Variants in GDAP1 observed in about 807,000 individuals in gnomAD.
GDAP1 encodes the protein ganglioside-induced differentiation-associated protein 1.
Under a neutral mutation model 40.1 loss-of-function variants are expected in GDAP1, and 34 were observed. The ratio of observed to expected loss-of-function variants is 0.85; its 90% CI spans 0.64 to 1.13. The LOEUF is 1.13. GDAP1 is among the 50% of genes most tolerant of loss of function. GDAP1 has a pLI of 0.00. For missense variants in GDAP1, 374 were observed against 433.7 expected (o/e 0.86, Z 1.22); for synonymous variants, 170 against 157.4 (o/e 1.08, Z -0.60).
chr8:74,380,208 A>G (rs999795657), intron 2 of GDAP1, among the ~76,000 whole-genome samples: 1 of 152,204 alleles, frequency 6.6e-6, no homozygotes, highest in African/African-American at 2.4e-5. Context: ...ATCAGAAACA[A>G]AAGCCCACAA....
intron 2 of GDAP1, among the ~76,000 whole-genome samples, chr8:74,472,151 C>T (rs1806565616): frequency 6.6e-6 from 1 of 152,140 alleles, no homozygotes; most frequent in Non-Finnish European, 1.5e-5. Context: ...CATGTGTTCT[C>T]ATCATTTAGC....
downstream of GDAP1, among the ~76,000 whole-genome samples, chr8:74,370,357 G>A (rs1809727288): frequency 6.6e-6 from 1 of 152,190 alleles, no homozygotes; most frequent in African/African-American, 2.4e-5. Flanking sequence ...AAGCTATTAG[G>A]TTAGTGATAT....
downstream of GDAP1, among the ~76,000 whole-genome samples, chr8:74,369,638 T>TGC (rs1248857705): frequency 0.098 from 2,287 of 23,240 alleles, 55 homozygotes; most frequent in African/African-American, 0.19. Flanking sequence ...TGTGTGTGCA[T>TGC]ATATATATAT....
chr8:74,484,604 T>C (rs966797868), intron 2 of GDAP1, among the ~76,000 whole-genome samples: 1 of 152,140 alleles, frequency 6.6e-6, no homozygotes, highest in African/African-American at 2.4e-5. Context: ...AATATGCTTT[T>C]CCCATTTCAG....
chr8:74,357,727 C>G (rs543268381), intron 2 of GDAP1, among the ~76,000 whole-genome samples: 1 of 152,194 alleles, frequency 6.6e-6, no homozygotes, highest in Non-Finnish European at 1.5e-5. Context: ...ATGCTGGGAC[C>G]TCCTCTCATT....
In GDAP1 at chr8:74,350,527, G is replaced by A. The variant is rs760748724; in HGVS notation, c.66G>A (p.Ala22=). The change falls in exon 1 of 6, where the codon GCG becomes GCA. Residue 22 remains alanine (A), a synonymous_variant. Transcript: ENST00000220822. ...TGAGGGCGGAAGGCAAGGCCGACGC[G>A]GAGGTTAAGCTCATTCTGTACCATT... ...PPLRAEGKAD[A]EVKLILYHWT... The A allele has an allele frequency of 1.2e-6, 2 of 1,613,400 alleles. No homozygotes were observed. Among genetic ancestry groups the A allele is most frequent in the Admixed American group, 1.7e-5 (1 of 60,012 alleles).
At chr8:74,362,773 T>G (rs893212002) in intron 4 of GDAP1, among the ~76,000 whole-genome samples, 166 bp from the exon 5 acceptor site, 13 of 48,410 alleles carry the variant, frequency 2.7e-4, no homozygotes, top group Non-Finnish European at 5.9e-4. Flanking sequence ...TCAACTTAGC[T>G]CTCTCTCTCT....
At chr8:74,399,915 C>G (rs373962155) in intron 2 of GDAP1, among the ~76,000 whole-genome samples, 9 of 144,370 alleles carry the variant, frequency 6.2e-5, no homozygotes, top group African/African-American at 2.0e-4. Flanking sequence ...GTCTGAGAGA[C>G]AGTTTGTTAT....
In GDAP1 at chr8:74,445,654, C is replaced by A. The variant is rs935056448; in HGVS notation, c.166-43024C>A. Reference sequence around the variant, plus strand: ...TGGTACACACATGCTGATTTGTATACCACTTAAAAAAAGACTAGAAAAACT... The same window carrying A: ...TGGTACACACATGCTGATTTGTATAACACTTAAAAAAAGACTAGAAAAACT... On this transcript the variant is annotated intron_variant, in intron 2 of 2. Transcript: ENST00000523640. Among the ~76,000 whole-genome samples the A allele has an allele frequency of 1.5e-4, 23 of 151,936 alleles. 1 individual carries two copies. The highest frequency in any genetic ancestry group is 5.9e-5 in the Non-Finnish European group (4 of 67,972).
chr8:74,425,246 T>C (rs56239924), intron 2 of GDAP1, among the ~76,000 whole-genome samples: 83,301 of 152,128 alleles, frequency 0.55, 23,977 homozygotes, highest in Non-Finnish European at 0.63. Context: ...AATGGTGCTG[T>C]TGATGAGTAC....
downstream of GDAP1, among the ~76,000 whole-genome samples, chr8:74,369,394 G>A (rs1343295416): frequency 2.6e-5 from 4 of 152,122 alleles, no homozygotes; most frequent in Non-Finnish European, 5.9e-5. Flanking sequence ...TGATTGAATT[G>A]ACAGAAAATC....
intron 2 of GDAP1, among the ~76,000 whole-genome samples, chr8:74,411,565 A>G (rs1196398133): frequency 1.3e-5 from 2 of 148,714 alleles, no homozygotes; most frequent in Non-Finnish European, 2.9e-5. Context: ...ATAAATAAAG[A>G]GTATGAGGAT....
At chr8:74,412,339 C>G (rs901147552) in intron 2 of GDAP1, among the ~76,000 whole-genome samples, 1 of 149,994 alleles carries the variant, frequency 6.7e-6, no homozygotes, top group African/African-American at 2.5e-5. Context: ...ATATAAAAGT[C>G]AAGCTGAAGT....
intron 2 of GDAP1, among the ~76,000 whole-genome samples, chr8:74,460,855 G>A (rs567331479): frequency 5.9e-5 from 9 of 152,114 alleles, no homozygotes; most frequent in Non-Finnish European, 1.2e-4. Flanking sequence ...AAGAGGAGAA[G>A]AGAAGACAAA....
chr8:74,416,113 T>A (rs1805774668), intron 2 of GDAP1, among the ~76,000 whole-genome samples: 1 of 149,742 alleles, frequency 6.7e-6, no homozygotes, highest in Non-Finnish European at 1.5e-5. Flanking sequence ...GCTATGCTCT[T>A]CCCTGGATCA....
rs542641675 is a variant in GDAP1 at position 74,461,058 on chromosome 8, A to C, written c.166-27620A>C. ...TGCCAGCACTTGGATGTCAGTCTGC[A>C]TCTGAGGCCACTGCCAATGCTTTGT... On this transcript the variant is annotated intron_variant, in intron 2 of 2. Coordinates refer to the GDAP1 transcript ENST00000523640. Among the ~76,000 whole-genome samples, 5 of 152,282 alleles carry C rather than the reference A, an allele frequency of 3.3e-5. No individual in the cohort carries two copies. In the South Asian group the frequency reaches 8.3e-4, roughly 25 times the overall value.
chr8:74,429,183 A>G (rs1249912262), intron 2 of GDAP1, among the ~76,000 whole-genome samples: 1 of 152,152 alleles, frequency 6.6e-6, no homozygotes, highest in East Asian at 1.9e-4. Context: ...ATACATGTGC[A>G]TGTGTCTTTA....
intron 2 of GDAP1, among the ~76,000 whole-genome samples, chr8:74,381,702 G>A (rs1050177520): frequency 8.6e-5 from 13 of 151,124 alleles, no homozygotes; most frequent in African/African-American, 3.2e-4. Context: ...GTTGCAGTGA[G>A]CTGAGATCAT....
At chr8:74,450,374 A>C (rs1806287190) in intron 2 of GDAP1, among the ~76,000 whole-genome samples, 1 of 151,804 alleles carries the variant, frequency 6.6e-6, no homozygotes, top group Non-Finnish European at 1.5e-5. Flanking sequence ...GTATTGTTGA[A>C]GTGGTTTATA....
Sources: gnomAD v4.1 joint callset for allele counts (sites outside exome capture counted in the v4.1 genomes callset) on GRCh38, gnomAD v4.1.1 for gene constraint, MANE v1.5 for transcripts, NCBI Gene and HGNC (gene_info 2026-07-23, HGNC 2026-07-21) for gene names.